Variants in PCDH7 observed in about 807,000 individuals in gnomAD.
The protein encoded by PCDH7 is protocadherin-7.
In PCDH7, 17 loss-of-function variants were observed where a neutral mutation model predicts 58.9. That is an observed-to-expected ratio of 0.29 (90% CI 0.20 to 0.43). The LOEUF is 0.43. Ranked by LOEUF, PCDH7 falls within the 20% of genes least tolerant of loss-of-function variation. The pLI is 1.00. For synonymous variants in PCDH7, 664 were observed against 616.4 expected (o/e 1.08, Z -1.14); for missense variants, 1,274 against 1,441.0 (o/e 0.88, Z 1.88).
At chr4:30,943,252 C>A (rs548548866) in intron 2 of PCDH7, among the ~76,000 whole-genome samples, 1 of 152,174 alleles carries the variant, frequency 6.6e-6, no homozygotes, top group East Asian at 1.9e-4. Flanking sequence ...GCACCCTAAG[C>A]TCTCAGCATG....
At chr4:31,082,438 G>A (rs1237183633) in intron 3 of PCDH7, among the ~76,000 whole-genome samples, 2 of 152,004 alleles carry the variant, frequency 1.3e-5, no homozygotes, top group African/African-American at 2.4e-5. Context: ...TAAAGTTTTG[G>A]CCAACTATAT....
At chr4:31,049,627 A>G (rs1313581733) in intron 3 of PCDH7, among the ~76,000 whole-genome samples, 1 of 152,136 alleles carries the variant, frequency 6.6e-6, no homozygotes, top group Non-Finnish European at 1.5e-5. Flanking sequence ...TAGGTGTCCA[A>G]AAAGTTTGGA....
intron 1 of PCDH7, among the ~76,000 whole-genome samples, chr4:30,828,238 T>G (rs867129558): frequency 7.1e-6 from 1 of 141,726 alleles, no homozygotes; most frequent in Non-Finnish European, 1.5e-5. Flanking sequence ...AAAATTACCC[T>G]TAGTAAAGGA....
In PCDH7 at chr4:30,723,733, A is replaced by C. The variant is rs1167740878; in HGVS notation, c.2311A>C (p.Ser771Arg). 2 of 1,614,184 alleles carry C rather than the reference A, an allele frequency of 1.2e-6. No homozygotes were observed. The highest frequency in any genetic ancestry group is 1.7e-6 in the Non-Finnish European group (2 of 1,180,040). Residue 771 changes from serine (S) to arginine (R), a missense_variant, in exon 1 of 2, where the codon AGT (serine) becomes CGT (arginine). Ser to Arg is a moderately radical substitution (Grantham distance 110). This residue lies in a region of PCDH7 where 731 missense variants were observed against 881.9 expected (regional missense o/e 0.83). Coordinates refer to ENST00000361762, the Ensembl canonical transcript of PCDH7. The surrounding 1 kb of genome is among the most constrained non-coding windows in gnomAD (Gnocchi z 4.6). ...AGTAGCTACAGTGTTGGCAACAGAC[A>C]GTGATGATGGCATCAATGCAGACCT...
chr4:30,990,042 A>T (rs1343196856), intron 3 of PCDH7, among the ~76,000 whole-genome samples: 1 of 152,114 alleles, frequency 6.6e-6, no homozygotes, highest in Non-Finnish European at 1.5e-5. Context: ...AATAGACTGA[A>T]GGACCATATA....
intron 3 of PCDH7, among the ~76,000 whole-genome samples, chr4:31,056,757 G>T (rs1757292695): frequency 8.5e-6 from 1 of 117,882 alleles, no homozygotes; most frequent in Non-Finnish European, 1.8e-5. Flanking sequence ...AAAAGAAAGA[G>T]AGCCCAATGA....
At chr4:30,968,167 C>T (rs1326549388) in intron 3 of PCDH7, among the ~76,000 whole-genome samples, 1 of 151,334 alleles carries the variant, frequency 6.6e-6, no homozygotes, top group Non-Finnish European at 1.5e-5. Context: ...TGAGCAGACA[C>T]TGTTCCAAGT....
At chr4:30,739,635 GTTTTC>G (rs1187584724) in intron 1 of PCDH7, among the ~76,000 whole-genome samples, 5 of 151,962 alleles carry the variant, frequency 3.3e-5, no homozygotes, top group Admixed American at 6.6e-5. Context: ...AAAACTTGAT[GTTTTC>G]TTTAATGTTT....
At chr4:31,032,673 AGGGAGGGAGGG>A (rs1560589992) in intron 3 of PCDH7, among the ~76,000 whole-genome samples, 21 of 70,088 alleles carry the variant, frequency 3.0e-4, no homozygotes, top group South Asian at 1.0e-3. Flanking sequence ...GAAGGAAGGG[AGGGAGGGAGGG>A]AGGGAGGGAG....
At chr4:30,948,270 C>G (rs1051061744) in intron 2 of PCDH7, among the ~76,000 whole-genome samples, 31 of 148,786 alleles carry the variant, frequency 2.1e-4, no homozygotes, top group African/African-American at 7.5e-4. Context: ...AAAGTCTTAG[C>G]ATATTAGCAA....
downstream of PCDH7, among the ~76,000 whole-genome samples, chr4:30,736,974 G>A (rs1191228782): frequency 1.3e-5 from 2 of 152,098 alleles, no homozygotes; most frequent in African/African-American, 2.4e-5. Context: ...TGTAAGCTAC[G>A]CTAGTGAAAT....
chr4:30,989,399 A>G lies in PCDH7; in HGVS notation c.*7+39184A>G, dbSNP rs182254240. On this transcript the variant is annotated intron_variant, in intron 3 of 3. Transcript: ENST00000509759. ...ATATAATCTGTAAGATATCCCAGTGATGGAGCTGCAGTAATATCGGCCACC... is the reference window on the plus strand; with the variant it reads ...ATATAATCTGTAAGATATCCCAGTGGTGGAGCTGCAGTAATATCGGCCACC... Among the ~76,000 whole-genome samples, 31 of 152,300 alleles carry G rather than the reference A, an allele frequency of 2.0e-4. 2 individuals are homozygous for G. The highest frequency in any genetic ancestry group is 3.3e-4 in the Admixed American group (5 of 15,294).
rs1250922660 is a variant in PCDH7 at position 31,048,589 on chromosome 4, TG to T, written c.*8-93883del. Among the ~76,000 whole-genome samples, 4 of 152,118 alleles carry T rather than the reference TG, an allele frequency of 2.6e-5. 1 individual carries two copies. The highest frequency in any genetic ancestry group is 9.7e-5 in the African/African-American group (4 of 41,436). ...GACAGACCTGTTAATTCCAACTCAC[TG>T]AATTTATATGGGATGCCCACAAAAG... On this transcript the variant is annotated intron_variant, in intron 3 of 3. Coordinates refer to the PCDH7 transcript ENST00000509759.
chr4:30,949,032 A>T (rs1288891915), intron 2 of PCDH7, among the ~76,000 whole-genome samples: 1 of 152,166 alleles, frequency 6.6e-6, no homozygotes, highest in Non-Finnish European at 1.5e-5. Context: ...GCAAACACGT[A>T]TTCATGAATA....
rs1553920869 is a variant in PCDH7 at position 30,968,319 on chromosome 4, C to CTATATA, written c.*7+18113_*7+18118dup. On this transcript the variant is annotated intron_variant, in intron 3 of 3. Transcript: ENST00000509759. Reference sequence around the variant, plus strand: ...CTCTCTCTCTATATATATATATACACTATATATATATATACACACACTATA... The same window carrying CTATATA: ...CTCTCTCTCTATATATATATATACACTATATATATATATATATATACACACACTATA... Among the ~76,000 whole-genome samples the CTATATA allele has an allele frequency of 3.7e-3, 303 of 82,574 alleles. 5 individuals are homozygous for CTATATA. The highest frequency in any genetic ancestry group is 6.8e-3 in the Middle Eastern group (1 of 146). The allele number at this position is 82,574 out of a possible 152,430, so 54.2% of individuals were successfully genotyped here.
rs1723470183 is a variant in PCDH7, at chr4:30,786,889, G to A, written c.70+62293G>A. On this transcript the variant is annotated intron_variant, in intron 1 of 3. Transcript: ENST00000509759. ...GTAAAAAGAAATCGATTCCCAAGGG[G>A]CAGGATCACTAACTGATTAAAATGA... 2.1e-5 allele frequency: 6 copies of A among 279,158 alleles called. No homozygotes were observed. The Admixed American group carries it at 3.2e-4, about 15-fold the overall frequency. 17.3% of individuals were successfully genotyped at this position (279,158 alleles called of 1,614,324 possible). A position where few individuals can be genotyped will look rare whatever the true frequency, so the allele number is the denominator to read the frequency against.
chr4:30,796,708 T>A (rs1376903683), intron 1 of PCDH7, among the ~76,000 whole-genome samples: 1 of 152,214 alleles, frequency 6.6e-6, no homozygotes, highest in African/African-American at 2.4e-5. Flanking sequence ...TTAAATGTCT[T>A]GATTTAGAAT....
At chr4:30,899,219 A>G (rs1275930460) in intron 1 of PCDH7, among the ~76,000 whole-genome samples, 4 of 152,166 alleles carry the variant, frequency 2.6e-5, no homozygotes, top group Non-Finnish European at 4.4e-5. Flanking sequence ...AGAACAATGC[A>G]AATTCTAAAA....
intron 1 of PCDH7, among the ~76,000 whole-genome samples, chr4:30,765,579 T>C (rs1034536939): frequency 2.0e-5 from 3 of 152,180 alleles, no homozygotes; most frequent in Non-Finnish European, 4.4e-5. Flanking sequence ...AGATAATCTA[T>C]GGGCCAAGGG....
Sources: gnomAD v4.1 joint callset for allele counts (sites outside exome capture counted in the v4.1 genomes callset) on GRCh38, gnomAD v4.1.1 for gene constraint, gnomAD v4.1.1 regional missense constraint, Gnocchi (gnomAD v3.1) non-coding constraint, MANE v1.5 for transcripts, NCBI Gene and HGNC (gene_info 2026-07-23, HGNC 2026-07-21) for gene names.